Variants in ZNF385D observed in about 807,000 individuals in gnomAD.
ZNF385D encodes the protein zinc finger protein 659.
ZNF385D carries 15 observed loss-of-function variants against 35.8 expected under a neutral mutation model. The ratio of observed to expected loss-of-function variants is 0.42; its 90% CI spans 0.28 to 0.64. The LOEUF (loss-of-function observed/expected upper bound fraction) is 0.64, where lower values mean the gene tolerates loss of function less well. Among genes scored for constraint, ZNF385D ranks in the 30% least tolerant of loss-of-function variants. ZNF385D has a pLI of 0.23. For synonymous variants in ZNF385D, 212 were observed against 186.8 expected, an observed-to-expected ratio of 1.13 and a Z score of -1.10; for missense variants, 474 against 494.6, an observed-to-expected ratio of 0.96 and a Z score of 0.39.
At chr3:22,169,926 C>T (rs971116932) in intron 2 of ZNF385D, among the ~76,000 whole-genome samples, 9 of 152,200 alleles carry the variant, frequency 5.9e-5, no homozygotes, top group Non-Finnish European at 1.2e-4. Flanking sequence ...TACTAAGTAG[C>T]TGGAACTACA....
intron 2 of ZNF385D, among the ~76,000 whole-genome samples, chr3:22,269,078 GTAAA>G (rs1701043054): frequency 6.6e-6 from 1 of 151,882 alleles, no homozygotes; most frequent in Non-Finnish European, 1.5e-5. Context: ...CTTGTCATCA[GTAAA>G]TAAACAAATG....
chr3:22,006,036 A>G (rs1431492888), intron 3 of ZNF385D, among the ~76,000 whole-genome samples: 2 of 152,120 alleles, frequency 1.3e-5, no homozygotes, highest in Non-Finnish European at 2.9e-5. Context: ...GTAAAAAGAA[A>G]GAATAGCAGC....
At chr3:21,818,641 A>G (rs539421837) in intron 3 of ZNF385D, among the ~76,000 whole-genome samples, 3 of 152,218 alleles carry the variant, frequency 2.0e-5, no homozygotes, top group Admixed American at 1.3e-4. Context: ...AGAAAGGGTA[A>G]TAAGATATAT....
At chr3:22,049,401 T>A (rs1699208527) in intron 3 of ZNF385D, among the ~76,000 whole-genome samples, 1 of 152,136 alleles carries the variant, frequency 6.6e-6, no homozygotes, top group Non-Finnish European at 1.5e-5. Flanking sequence ...TTATTAGTTC[T>A]AATAGGGTGT....
intron 3 of ZNF385D, among the ~76,000 whole-genome samples, chr3:21,989,988 A>C (rs1005078710): frequency 6.6e-6 from 1 of 152,138 alleles, no homozygotes; most frequent in Non-Finnish European, 1.5e-5. Flanking sequence ...ATTTCCACCT[A>C]TCTGTTTTAT....
At chr3:21,943,793 C>T (rs114772226) in intron 3 of ZNF385D, among the ~76,000 whole-genome samples, 1 of 152,100 alleles carries the variant, frequency 6.6e-6, no homozygotes, top group Non-Finnish European at 1.5e-5. Context: ...TTAGTCCTGG[C>T]AGTTTAATGG....
At chr3:21,597,648 A>AAAT (rs141025476) in intron 2 of ZNF385D, among the ~76,000 whole-genome samples, 22,890 of 152,082 alleles carry the variant, frequency 0.15, 3,129 homozygotes, top group African/African-American at 0.36. Flanking sequence ...TTACACGTGA[A>AAAT]AATAGATGGA....
Position 21,806,732 on chromosome 3 carries a change from T to C in ZNF385D, c.326-141704A>G, listed in dbSNP as rs141808355. Among the ~76,000 whole-genome samples the C allele has an allele frequency of 5.7e-3, 871 of 152,326 alleles. 13 individuals are homozygous for C. The highest frequency in any genetic ancestry group is 0.02 in the African/African-American group (831 of 41,578). On this transcript the variant is annotated intron_variant, in intron 3 of 5. Transcript: ENST00000494108. ...TCATAAAAAGTTGTATCTCCTTCTG[T>C]GACTGGTTTACAAACTACCCTAGTC...
In ZNF385D at chr3:22,239,031, G is replaced by A. The variant is rs527488205; in HGVS notation, c.107-69996C>T. Among the ~76,000 whole-genome samples the A allele has an allele frequency of 1.4e-4, 21 of 150,934 alleles. 3 individuals are homozygous for A. The South Asian group carries it at 3.5e-3, about 25-fold the overall frequency. On this transcript the variant is annotated intron_variant, in intron 2 of 5. Transcript: ENST00000494108. ...AGCCTCCCCAAATACTGGGATCATA[G>A]GCTTTAGACAACACGCCCAGACTAA...
chr3:22,174,051 C>CAG (rs1491134073), intron 2 of ZNF385D, among the ~76,000 whole-genome samples: 1 of 143,634 alleles, frequency 7.0e-6, no homozygotes, highest in Admixed American at 7.0e-5. Flanking sequence ...CACACACACA[C>CAG]AGAGATATCC....
intron 3 of ZNF385D, among the ~76,000 whole-genome samples, chr3:22,091,276 A>T (rs966544582): frequency 6.6e-6 from 1 of 152,208 alleles, no homozygotes; most frequent in Non-Finnish European, 1.5e-5. Context: ...CCAGTCCAGC[A>T]TGATAAACCA....
At chr3:22,036,087 T>C (rs1698299272) in intron 3 of ZNF385D, among the ~76,000 whole-genome samples, 3 of 152,074 alleles carry the variant, frequency 2.0e-5, no homozygotes, top group Admixed American at 1.3e-4. Flanking sequence ...CCACCATGAG[T>C]ATTTAAAATA....
Position 21,504,609 on chromosome 3 carries a change from T to C in ZNF385D, c.439+6252A>G, listed in dbSNP as rs1350353. On this transcript the variant is annotated intron_variant, in intron 4 of 7. Transcript: ENST00000281523. ...ATGAGAGAAGGTAAAGGCAGAAAAC[T>C]TCCCTTTAGCAAGAATATGATAGGG... Among the ~76,000 whole-genome samples, 744 of 152,246 alleles carry C rather than the reference T, an allele frequency of 4.9e-3. 6 individuals are homozygous for C. Among genetic ancestry groups the C allele is most frequent in the African/African-American group, 0.016 (683 of 41,558 alleles).
intron 3 of ZNF385D, among the ~76,000 whole-genome samples, chr3:22,035,037 T>A (rs1013545837): frequency 6.6e-6 from 1 of 152,220 alleles, no homozygotes. Context: ...AAAGTCAACA[T>A]TGTCGATTTA....
chr3:21,693,413 CCTTT>C (rs1307911350), intron 1 of ZNF385D, among the ~76,000 whole-genome samples: 3 of 152,210 alleles, frequency 2.0e-5, no homozygotes, highest in East Asian at 3.9e-4. Context: ...TTTTATTCTT[CCTTT>C]GTTTTAAATG....
intron 2 of ZNF385D, among the ~76,000 whole-genome samples, chr3:22,200,076 T>C (rs1191017589): frequency 6.6e-6 from 1 of 152,062 alleles, no homozygotes; most frequent in East Asian, 1.9e-4. Flanking sequence ...AAGTAAAAGC[T>C]GTCAAAGACA....
chr3:21,991,282 T>G (rs1344801747), intron 3 of ZNF385D, among the ~76,000 whole-genome samples: 1 of 152,182 alleles, frequency 6.6e-6, no homozygotes, highest in African/African-American at 2.4e-5. Flanking sequence ...CTAAGGGATT[T>G]TAAAATTGTA....
At chr3:21,830,708 T>G (rs767037990) in intron 3 of ZNF385D, among the ~76,000 whole-genome samples, 21 of 152,208 alleles carry the variant, frequency 1.4e-4, no homozygotes, top group Non-Finnish European at 2.9e-4. Flanking sequence ...TAAATAAGTG[T>G]TCCTTGTTGT....
intron 3 of ZNF385D, among the ~76,000 whole-genome samples, chr3:22,119,797 T>C (rs111248395): frequency 8.1e-4 from 123 of 151,880 alleles, no homozygotes; most frequent in African/African-American, 2.8e-3. Flanking sequence ...GATGAGCTTT[T>C]ACTAGTGAGT....
Sources: gnomAD v4.1 joint callset for allele counts (sites outside exome capture counted in the v4.1 genomes callset) on GRCh38, gnomAD v4.1.1 for gene constraint, MANE v1.5 for transcripts, NCBI Gene and HGNC (gene_info 2026-07-23, HGNC 2026-07-21) for gene names.